Variants in AATF observed in about 807,000 individuals in gnomAD.
AATF encodes apoptosis antagonizing transcription factor, also known as protein AATF.
AATF carries 48 observed loss-of-function variants against 63.7 expected under a neutral mutation model. The observed-to-expected ratio is 0.75, with a 90% CI of 0.60 to 0.96. The LOEUF is 0.96. Ranked by LOEUF, AATF falls within the 40% of genes least tolerant of loss-of-function variation. The probability of loss-of-function intolerance (pLI) is 0.00; values close to 1 mark genes in which losing one functional copy is unlikely to be tolerated. For synonymous variants in AATF, 258 were observed against 247.7 expected (o/e 1.04, Z -0.39); for missense variants, 639 against 685.7 (o/e 0.93, Z 0.76).
intron 4 of AATF, among the ~76,000 whole-genome samples, chr17:36,961,730 A>G (rs1448157103): frequency 6.6e-6 from 1 of 151,832 alleles, no homozygotes; most frequent in Admixed American, 6.6e-5. Flanking sequence ...CTGGAGTGCA[A>G]TGGCAGGATC....
intron 8 of AATF, among the ~76,000 whole-genome samples, chr17:37,015,519 C>T (rs913831928): frequency 6.6e-6 from 1 of 152,170 alleles, no homozygotes; most frequent in African/African-American, 2.4e-5. Flanking sequence ...AGACTCCCTC[C>T]ATCATGCCCT....
Position 36,953,774 on chromosome 17 carries a change from G to T in AATF, c.699G>T (p.Leu233=), listed in dbSNP as rs368789503. The change falls in exon 4 of 12, where the codon CTG becomes CTT. Residue 233 remains leucine (L), a synonymous_variant. Transcript: ENST00000619387. ...ATTCTCTTTTCTTCTTTTCAGCACT[G>T]TGGGACCAGCTCTTGGAAGGAAGGA... The part of the protein sequence containing the change: ...KGRAVKNQIA[L]WDQLLEGRIK... The T allele has an allele frequency of 6.2e-7, 1 of 1,613,446 alleles. No homozygotes were observed. The highest frequency in any genetic ancestry group is 1.3e-5 in the African/African-American group (1 of 74,800).
In AATF at chr17:37,021,004, A is replaced by G. The variant is rs1315780772; in HGVS notation, c.1537A>G (p.Arg513Gly). The change falls in exon 10 of 12, where the codon AGG (arginine) becomes GGG (glycine). Residue 513 changes from arginine (R) to glycine (G), a missense_variant. Arg to Gly is a moderately radical substitution (Grantham distance 125). Transcript: ENST00000619387. ...AGTAGATAGGAAAGCCAGCAAAGGC[A>G]GGAAACTTCGGTGAGTTACTTTTCG... ...KKVDRKASKG[R>G]KLRFHVLSKL... 1 of 1,611,018 alleles carries G rather than the reference A, an allele frequency of 6.2e-7. No homozygotes were observed. Among genetic ancestry groups the G allele is most frequent in the Non-Finnish European group, 8.5e-7 (1 of 1,178,446 alleles).
intron 8 of AATF, among the ~76,000 whole-genome samples, chr17:36,993,120 A>T (rs999392295): frequency 1.6e-4 from 25 of 152,220 alleles, no homozygotes; most frequent in African/African-American, 5.5e-4. Flanking sequence ...GGTGCTTAGA[A>T]CTGTGCAGGT....
At chr17:37,046,514 T>C (rs1337172010) in intron 11 of AATF, among the ~76,000 whole-genome samples, 3 of 152,168 alleles carry the variant, frequency 2.0e-5, no homozygotes, top group Non-Finnish European at 2.9e-5. Flanking sequence ...CTGACTCGCA[T>C]TGCAGAGCTG....
rs1321412155 is a variant in AATF, at chr17:37,037,464, T to G, written c.1619+5779T>G. Among the ~76,000 whole-genome samples the G allele has an allele frequency of 3.3e-5, 5 of 152,230 alleles. No homozygotes were observed. The East Asian group carries it at 9.6e-4, about 29-fold the overall frequency. On this transcript the variant is annotated intron_variant, in intron 11 of 11. Coordinates refer to ENST00000619387, the MANE Select transcript of AATF (RefSeq NM_012138.4). ...AGCAAGAGCGGGTCAGTACTTTACT[T>G]GCATGATTTGCAGGGCTGTTGTTCA...
At chr17:36,989,184 C>A in intron 6 of AATF, 63 bp from the exon 7 acceptor site, 1 of 1,513,630 alleles carries the variant, frequency 6.6e-7, no homozygotes, top group Non-Finnish European at 8.9e-7. Context: ...ATAGAGAAAC[C>A]AATGTAGCTT....
intron 4 of AATF, among the ~76,000 whole-genome samples, chr17:36,973,125 T>G (rs1225866957): frequency 7.4e-6 from 1 of 135,724 alleles, no homozygotes; most frequent in Non-Finnish European, 1.5e-5. Context: ...TCTTCTTTCT[T>G]TCTTTTTTCC....
intron 4 of AATF, among the ~76,000 whole-genome samples, chr17:36,961,628 A>G (rs993064203): frequency 7.2e-5 from 11 of 151,918 alleles, no homozygotes; most frequent in South Asian, 4.2e-4. Flanking sequence ...GCCCAGATCT[A>G]TATTCCCTGG....
At chr17:36,987,228 C>T (rs534983396) in intron 5 of AATF, among the ~76,000 whole-genome samples, 5 of 151,052 alleles carry the variant, frequency 3.3e-5, no homozygotes, top group African/African-American at 1.2e-4. Flanking sequence ...TGGGCTCGAG[C>T]CATCCTTCCA....
At chr17:37,024,260 G>A (rs2071494661) in intron 10 of AATF, among the ~76,000 whole-genome samples, 2 of 152,196 alleles carry the variant, frequency 1.3e-5, no homozygotes, top group African/African-American at 4.8e-5. Flanking sequence ...ACTTGCACAA[G>A]ACGACTTCCT....
At chr17:37,005,596 ATTC>A in intron 8 of AATF, among the ~76,000 whole-genome samples, 1 of 152,284 alleles carries the variant, frequency 6.6e-6, no homozygotes, top group East Asian at 1.9e-4. Context: ...CTTCCTTTTT[ATTC>A]TTTAAACACA....
At chr17:36,999,670 G>A (rs530005521) in intron 8 of AATF, among the ~76,000 whole-genome samples, 2 of 152,234 alleles carry the variant, frequency 1.3e-5, no homozygotes, top group Admixed American at 6.5e-5. Context: ...GATGAAACTG[G>A]TTATGGTGAA....
At chr17:37,031,267 T>C (rs2071549930) in intron 10 of AATF, 1 of 262,678 alleles carries the variant, frequency 3.8e-6, no homozygotes, top group African/African-American at 2.1e-5. Context: ...TTACGTAGCA[T>C]TTACATTGCA....
chr17:36,951,540 G>A (rs1188922227), intron 2 of AATF, among the ~76,000 whole-genome samples: 5 of 152,058 alleles, frequency 3.3e-5, no homozygotes, highest in African/African-American at 1.2e-4. Flanking sequence ...TCCCAATTGC[G>A]CAGGAAGTTA....
chr17:36,987,331 A>G (rs980817708), intron 5 of AATF, among the ~76,000 whole-genome samples: 1 of 152,210 alleles, frequency 6.6e-6, no homozygotes, highest in African/African-American at 2.4e-5. Flanking sequence ...ATTAATGTTT[A>G]TGAAACATTC....
rs1298689383 is a variant in AATF, at chr17:37,019,109, CT to C, written c.1466+38del. 7 of 1,555,122 alleles carry C rather than the reference CT, an allele frequency of 4.5e-6. No individual in the cohort carries two copies. In the African/African-American group the frequency reaches 9.5e-5, roughly 21 times the overall value. The stretch of plus-strand genomic sequence containing the variant: ...ACAGCTTTCTGTTCATGCAAGCAGC[CT>C]ATGTAATAGTTTCTCCCCTTGAGTC... On this transcript the variant is annotated intron_variant, in intron 9 of 11. Coordinates refer to ENST00000619387, the MANE Select transcript of AATF (RefSeq NM_012138.4).
At chr17:37,014,267 G>GTAGTAATAA (rs377360638) in intron 8 of AATF, among the ~76,000 whole-genome samples, 1 of 145,064 alleles carries the variant, frequency 6.9e-6, no homozygotes, top group African/African-American at 2.6e-5. Context: ...GACTGTCTTA[G>GTAGTAATAA]TAATAATAAT....
intron 4 of AATF, among the ~76,000 whole-genome samples, chr17:36,965,083 T>A (rs559657228): frequency 6.6e-6 from 1 of 152,334 alleles, no homozygotes. Context: ...CCTTTCTAGA[T>A]TGAAAATTAC....
Sources: gnomAD v4.1 joint callset for allele counts (sites outside exome capture counted in the v4.1 genomes callset) on GRCh38, gnomAD v4.1.1 for gene constraint, MANE v1.5 for transcripts, NCBI Gene and HGNC (gene_info 2026-07-23, HGNC 2026-07-21) for gene names.